Variants in ARNT observed in about 807,000 individuals in gnomAD.
ARNT encodes class E basic helix-loop-helix protein 2.
ARNT carries 30 observed loss-of-function variants against 105.0 expected under a neutral mutation model. The observed-to-expected ratio is 0.29, with a 90% CI of 0.21 to 0.39. The LOEUF (loss-of-function observed/expected upper bound fraction) is 0.39. ARNT is among the 10% of genes least tolerant of loss of function. The pLI, the probability that ARNT is intolerant of heterozygous loss-of-function variation, is 1.00. For synonymous variants in ARNT, 304 were observed against 344.0 expected (o/e 0.88, Z 1.29); for missense variants, 748 against 978.7 (o/e 0.76, Z 3.15).
At position 150,810,530 on chromosome 1, in the gene ARNT, G is replaced by A; in HGVS notation, c.*1491C>T. 4.6e-6 allele frequency: 1 copy of A among 219,740 alleles called. No individual in the cohort carries two copies. The highest frequency in any genetic ancestry group is 9.1e-6 in the Non-Finnish European group (1 of 109,404). 13.6% of individuals were successfully genotyped at this position (219,740 alleles called of 1,614,324 possible). ...AACTCAGCAAATGGACATTCCTTTG[G>A]CCTCTTCAAGGCCACCCTTGCTCCT... On this transcript the variant is annotated 3_prime_UTR_variant, in exon 22 of 22. Coordinates refer to ENST00000358595, the MANE Select transcript of ARNT (RefSeq NM_001668.4).
intron 18 of ARNT, 79 bp from the exon 19 acceptor site, chr1:150,816,485 C>A: frequency 1.4e-6 from 2 of 1,471,568 alleles, no homozygotes; most frequent in Non-Finnish European, 1.8e-6. Context: ...CAATCTAGTG[C>A]TATCCCTAGA....
At chr1:150,816,673 C>T (rs972232712) in intron 18 of ARNT, 115 bp downstream of exon 18, 3 of 1,280,248 alleles carry the variant, frequency 2.3e-6, no homozygotes, top group South Asian at 3.2e-5. Context: ...CTAGGCCCTA[C>T]AAGCTTCACT....
At chr1:150,813,908 G>C (rs984807927) in intron 20 of ARNT, among the ~76,000 whole-genome samples, 169 bp downstream of exon 20, 1 of 152,164 alleles carries the variant, frequency 6.6e-6, no homozygotes, top group African/African-American at 2.4e-5. Flanking sequence ...TTACAGGCGT[G>C]AGCCACCGCA....
At chr1:150,853,314 A>T (rs2102209684) in intron 2 of ARNT, 1 of 344,916 alleles carries the variant, frequency 2.9e-6, no homozygotes, top group African/African-American at 2.2e-5. Context: ...GGCAATAGAA[A>T]CAAAAGTACC....
rs587730928 is a variant in ARNT at position 150,824,751 on chromosome 1, A to C, written c.1243-1406T>G. Among the ~76,000 whole-genome samples, 23 of 152,304 alleles carry C rather than the reference A, an allele frequency of 1.5e-4. 1 individual carries two copies. The highest frequency in any genetic ancestry group is 4.6e-4 in the Admixed American group (7 of 15,296). ...ATTATAGGTGTGAGCCACTGCACCC[A>C]GATGAGAGCATCTGTTTTCACAGCA... On this transcript the variant is annotated intron_variant, in intron 13 of 21. Transcript: ENST00000358595.
chr1:150,820,230 C>G (rs1456255473), intron 14 of ARNT, among the ~76,000 whole-genome samples: 1 of 152,176 alleles, frequency 6.6e-6, no homozygotes, highest in Non-Finnish European at 1.5e-5. Context: ...CTTGCCTACC[C>G]CTGCTCCAGA....
chr1:150,864,035 G>C (rs1666119615), intron 1 of ARNT, among the ~76,000 whole-genome samples: 1 of 152,024 alleles, frequency 6.6e-6, no homozygotes, highest in African/African-American at 2.4e-5. Flanking sequence ...GTATGTAGGT[G>C]TATAGCCTAC....
intron 7 of ARNT, 90 bp from the exon 8 acceptor site, chr1:150,834,730 C>T (rs899138545): frequency 1.9e-5 from 21 of 1,083,018 alleles, no homozygotes; most frequent in Non-Finnish European, 2.8e-5. Flanking sequence ...AAGTAAGCAT[C>T]CTATTCATGC....
At chr1:150,848,312 C>T (rs748178328) in intron 3 of ARNT, among the ~76,000 whole-genome samples, 4 of 152,040 alleles carry the variant, frequency 2.6e-5, no homozygotes, top group Non-Finnish European at 4.4e-5. Context: ...AAAAATTAGC[C>T]GGGCATGGTG....
chr1:150,817,389 T>A lies in ARNT; in HGVS notation c.1550A>T (p.Asp517Val). 6.2e-7 allele frequency: 1 copy of A among 1,614,160 alleles called. No homozygotes were observed. The highest frequency in any genetic ancestry group is 2.2e-5 in the East Asian group (1 of 44,882). The change falls in exon 16 of 22, where the codon GAT becomes GTT. Residue 517 changes from aspartate (D) to valine (V), a missense_variant. By Grantham distance (152) the Asp-to-Val change is radical. Transcript: ENST00000358595. ...QTELDMVPGR[D>V]GLASYNHSQV... ...GGAATGATTGTAGCTGGCCAGTCCA[T>A]CTCTTCCTGGTACCATGTCCAATTC...
At chr1:150,852,831 T>G in intron 2 of ARNT, 25 bp from the exon 3 acceptor site, 1 of 1,613,754 alleles carries the variant, frequency 6.2e-7, no homozygotes, top group East Asian at 2.2e-5. Context: ...CAATAAATAC[T>G]TTAAGCCTGC....
chr1:150,817,452 T>G lies in ARNT; in HGVS notation c.1506-19A>C. ...CTGCTGCCTATATGTCAAAGGCCAG[T>G]TGACAAGACAAATAGAAAAAAAAAT... On this transcript the variant is annotated intron_variant, in intron 15 of 21. Coordinates refer to ENST00000358595, the MANE Select transcript of ARNT (RefSeq NM_001668.4). 1 of 1,609,482 alleles carries G rather than the reference T, an allele frequency of 6.2e-7. No homozygotes were observed. The highest frequency in any genetic ancestry group is 8.5e-7 in the Non-Finnish European group (1 of 1,178,842).
intron 14 of ARNT, among the ~76,000 whole-genome samples, chr1:150,821,569 C>G (rs1175340620): frequency 6.6e-6 from 1 of 152,214 alleles, no homozygotes; most frequent in East Asian, 1.9e-4. Context: ...AAAACTGCAT[C>G]TTTACATTTG....
chr1:150,848,314 G>C (rs1415011396), intron 3 of ARNT, among the ~76,000 whole-genome samples: 1 of 152,086 alleles, frequency 6.6e-6, no homozygotes, highest in Non-Finnish European at 1.5e-5. Context: ...AAATTAGCCG[G>C]GCATGGTGGC....
At chr1:150,849,325 T>C (rs898417672) in intron 3 of ARNT, among the ~76,000 whole-genome samples, 2 of 152,214 alleles carry the variant, frequency 1.3e-5, no homozygotes, top group African/African-American at 2.4e-5. Flanking sequence ...ACGTACAGAC[T>C]ACCTGGGTAA....
intron 10 of ARNT, 83 bp from the exon 11 acceptor site, chr1:150,830,063 T>G: frequency 6.7e-7 from 1 of 1,489,026 alleles, no homozygotes; most frequent in Non-Finnish European, 9.3e-7. Context: ...AGATTCAAAA[T>G]AGACCTATTT....
intron 14 of ARNT, 125 bp downstream of exon 14, chr1:150,823,069 A>T: frequency 2.1e-6 from 2 of 973,716 alleles, no homozygotes; most frequent in Non-Finnish European, 2.8e-6. Context: ...GGCACATGCC[A>T]CCACGCCCGG....
At chr1:150,836,542 A>G (rs1349460726) in intron 6 of ARNT, 49 bp from the exon 7 acceptor site, 2 of 1,557,046 alleles carry the variant, frequency 1.3e-6, no homozygotes, top group East Asian at 4.6e-5. Flanking sequence ...TGAAAAAACA[A>G]GTATTTCTAT....
At chr1:150,840,191 A>G (rs1048546264) in intron 5 of ARNT, among the ~76,000 whole-genome samples, 1 of 152,096 alleles carries the variant, frequency 6.6e-6, no homozygotes, top group Non-Finnish European at 1.5e-5. Context: ...CAGTGAGCTG[A>G]GATCACACCA....
Sources: allele counts gnomAD v4.1 joint callset (sites outside exome capture counted in the v4.1 genomes callset), GRCh38; gene constraint gnomAD v4.1.1; transcripts MANE v1.5; gene names NCBI Gene and HGNC (gene_info 2026-07-23, HGNC 2026-07-21).